The following SLC2A10 variants were observed in gnomAD, a reference collection of about 807,000 sequenced individuals.
The protein encoded by SLC2A10 is solute carrier family 2 member 10.
SLC2A10 carries 25 observed loss-of-function variants against 32.1 expected under a neutral mutation model. The observed-to-expected ratio is 0.78, with a 90% CI of 0.57 to 1.09. The LOEUF (loss-of-function observed/expected upper bound fraction) is 1.09. Among genes scored for constraint, SLC2A10 ranks in the 50% least tolerant of loss-of-function variants. The probability of loss-of-function intolerance (pLI) is 0.00; values close to 1 mark genes in which losing one functional copy is unlikely to be tolerated. For missense variants in SLC2A10, 673 were observed against 686.5 expected (o/e 0.98, Z 0.22); for synonymous variants, 332 against 309.6 (o/e 1.07, Z -0.76).
chr20:46,725,031 T>C lies in SLC2A10; in HGVS notation c.5-10T>C, dbSNP rs1204312900. The C allele has an allele frequency of 2.5e-6, 4 of 1,614,240 alleles. No homozygotes were observed. The highest frequency in any genetic ancestry group is 2.5e-6 in the Non-Finnish European group (3 of 1,180,038). ...ATTCTAACTCTGTCCCTCTCACTTTTGTTTTTTAGGCCACTCCCCACCTGT... is the reference window on the plus strand; with the variant it reads ...ATTCTAACTCTGTCCCTCTCACTTTCGTTTTTTAGGCCACTCCCCACCTGT... On this transcript the variant is annotated splice_polypyrimidine_tract_variant and intron_variant, in intron 1 of 4. Transcript: ENST00000359271.
chr20:46,714,088 A>G (rs995771899), intron 1 of SLC2A10, among the ~76,000 whole-genome samples: 1 of 152,184 alleles, frequency 6.6e-6, no homozygotes, highest in African/African-American at 2.4e-5. Context: ...GAAATTGGCA[A>G]TGAGTATTTA....
At position 46,725,622 on chromosome 20, in the gene SLC2A10, A is replaced by C. The variant is rs1404873289; in HGVS notation, c.586A>C (p.Lys196Gln). 1 of 1,614,072 alleles carries C rather than the reference A, an allele frequency of 6.2e-7. No individual in the cohort carries two copies. Among genetic ancestry groups the C allele is most frequent in the Admixed American group, 1.7e-5 (1 of 60,022 alleles). The stretch of plus-strand genomic sequence containing the variant: ...TGGTACAGATGAGACTGCAACACAC[A>C]AGGACCTCATCCCACTCCAGGGAGG... ...PAGTDETATH[K>Q]DLIPLQGGEA... The change falls in exon 2 of 5, where the codon AAG becomes CAG. Residue 196 changes from lysine to glutamine, a missense_variant. By Grantham distance (53) the Lys-to-Gln change is moderately conservative. Coordinates refer to ENST00000359271, the MANE Select transcript of SLC2A10 (RefSeq NM_030777.4).
rs1980016677 is a variant in SLC2A10 at position 46,727,072 on chromosome 20, T to C, written c.1411+86T>C. 3.4e-6 allele frequency: 5 copies of C among 1,490,200 alleles called. No homozygotes were observed. In the South Asian group the frequency reaches 3.4e-5, roughly 10 times the overall value. The allele number at this position is 1,490,200 out of a possible 1,614,324, so 92.3% of individuals were successfully genotyped here. A position where few individuals can be genotyped will look rare whatever the true frequency, so the allele number is the denominator to read the frequency against. Reference sequence around the variant, plus strand: ...AGAAATTTTTGGATTTTCCTATGTATTAGCTGCAGAACTATTATTCTGTGC... The same window carrying C: ...AGAAATTTTTGGATTTTCCTATGTACTAGCTGCAGAACTATTATTCTGTGC... On this transcript the variant is annotated intron_variant, in intron 3 of 4. Coordinates refer to ENST00000359271, the MANE Select transcript of SLC2A10 (RefSeq NM_030777.4).
rs764368707 is a variant in SLC2A10 at position 46,726,174 on chromosome 20, T to C, written c.1138T>C (p.Ser380Pro). 1 of 1,614,102 alleles carries C rather than the reference T, an allele frequency of 6.2e-7. No individual in the cohort carries two copies. Among genetic ancestry groups the C allele is most frequent in the Non-Finnish European group, 8.5e-7 (1 of 1,180,030 alleles). The change falls in exon 2 of 5, where the codon TCT becomes CCT. Residue 380 changes from serine (S) to proline (P), a missense_variant. By Grantham distance (74) the Ser-to-Pro change is moderately conservative (BLOSUM62 -1). Transcript: ENST00000359271. ...TAAGAAAACCAAGCCCCATCCCAGA[T>C]CTGGAGACCCCTCAGCCCCTCCTCG... The part of the protein sequence containing the change: ...TAKKTKPHPR[S>P]GDPSAPPRLA...
At chr20:46,728,720 C>T (rs1980116262) in intron 3 of SLC2A10, among the ~76,000 whole-genome samples, 1 of 146,546 alleles carries the variant, frequency 6.8e-6, no homozygotes, top group African/African-American at 2.5e-5. Flanking sequence ...GGGGCTCAAA[C>T]AATCCTCCAG....
At chr20:46,714,687 G>A (rs1396839326) in intron 1 of SLC2A10, 3 of 152,774 alleles carry the variant, frequency 2.0e-5, no homozygotes, top group African/African-American at 7.2e-5. Context: ...CAGAGTCCGG[G>A]AGGAGGCGAA....
chr20:46,709,872 G>A, intron 1 of SLC2A10, 132 bp downstream of exon 1: 3 of 1,121,540 alleles, frequency 2.7e-6, no homozygotes, highest in South Asian at 1.4e-5. Flanking sequence ...ACCGCCTCTC[G>A]GGTGGCCAGC....
At chr20:46,709,414 C>A (rs1302309898), upstream of SLC2A10, 1 of 416,874 alleles carries the variant, frequency 2.4e-6, no homozygotes, top group Non-Finnish European at 4.2e-6. Context: ...GTGTGTCCCC[C>A]CCAGGGGAGG....
rs573480396 is a variant in SLC2A10 at position 46,733,767 on chromosome 20, G to A, written c.1559G>A (p.Ser520Asn). ...QQFQKRRFTL[S>N]FGHRQNSTGI... ...TCTTTGTCTGACAGGTTCACCCTGAGCTTTGGCCACAGGCAGAACTCCACT... is the reference window on the plus strand; with the variant it reads ...TCTTTGTCTGACAGGTTCACCCTGAACTTTGGCCACAGGCAGAACTCCACT... Residue 520 changes from serine to asparagine, a missense_variant, in exon 5 of 5, where the codon AGC (serine) becomes AAC (asparagine). Ser to Asn is a conservative substitution (Grantham distance 46). Coordinates refer to ENST00000359271, the MANE Select transcript of SLC2A10 (RefSeq NM_030777.4). 2.0e-4 allele frequency: 320 copies of A among 1,614,136 alleles called. 5 individuals are homozygous for A. In the South Asian group the frequency reaches 2.2e-3, roughly 11 times the overall value.
rs41283042 is a variant in SLC2A10, at chr20:46,725,783, C to T, written c.747C>T (p.Asn249=). The T allele has an allele frequency of 2.1e-5, 34 of 1,614,214 alleles. No homozygotes were observed. Among genetic ancestry groups the T allele is most frequent in the African/African-American group, 8.0e-5 (6 of 75,066 alleles). ...TCCAGCAACTAACAGGGCAGCCCAA[C>T]GTGCTGTGCTATGCCTCCACCATCT... ...VLFQQLTGQP[N]VLCYASTIFS... is the part of the protein sequence containing the mutation. The change falls in exon 2 of 5, where the codon AAC becomes AAT. Residue 249 remains asparagine, a synonymous_variant. Coordinates refer to ENST00000359271, the MANE Select transcript of SLC2A10 (RefSeq NM_030777.4).
At chr20:46,731,126 G>A (rs1980274907) in intron 4 of SLC2A10, among the ~76,000 whole-genome samples, 3 of 152,198 alleles carry the variant, frequency 2.0e-5, no homozygotes, top group South Asian at 4.1e-4. Context: ...TCGTCCAAAT[G>A]TCGGTTGGGG....
chr20:46,720,893 T>A (rs1979513315), intron 1 of SLC2A10, among the ~76,000 whole-genome samples: 1 of 152,228 alleles, frequency 6.6e-6, no homozygotes, highest in South Asian at 2.1e-4. Context: ...AACAAAACAC[T>A]CCAAGACTTA....
intron 3 of SLC2A10, 51 bp from the exon 4 acceptor site, chr20:46,729,302 G>A (rs1439808470): frequency 6.2e-6 from 10 of 1,610,852 alleles, no homozygotes; most frequent in African/African-American, 1.3e-5. Flanking sequence ...CCCAGGCTGC[G>A]GGGCCAGAGT....
chr20:46,727,567 T>C (rs909473048), intron 3 of SLC2A10, among the ~76,000 whole-genome samples: 4 of 152,164 alleles, frequency 2.6e-5, no homozygotes, highest in African/African-American at 9.6e-5. Context: ...GTGATCCACC[T>C]GTAATCCCAA....
At position 46,733,873 on chromosome 20, in the gene SLC2A10, G is replaced by C. The variant is rs780750928; in HGVS notation, c.*39G>C. ...CTGGAAATTCTGGAACTGTGGCTTT[G>C]GCAGACCATCTCCAGCATCCTGCTT... On this transcript the variant is annotated 3_prime_UTR_variant, in exon 5 of 5. Transcript: ENST00000359271. 1 of 1,592,306 alleles carries C rather than the reference G, an allele frequency of 6.3e-7. No homozygotes were observed. The highest frequency in any genetic ancestry group is 1.7e-5 in the Admixed American group (1 of 59,830).
At position 46,718,796 on chromosome 20, in the gene SLC2A10, G is replaced by A. The variant is rs192202501; in HGVS notation, c.5-6245G>A. On this transcript the variant is annotated intron_variant, in intron 1 of 4. Coordinates refer to ENST00000359271, the MANE Select transcript of SLC2A10 (RefSeq NM_030777.4). ...TTTATATTTTATTTTATTTTTTAAA[G>A]ATAGGGCCTTGCTCTGTCACCCAGG... Among the ~76,000 whole-genome samples, 3 of 152,098 alleles carry A rather than the reference G, an allele frequency of 2.0e-5. No individual in the cohort carries two copies. In the East Asian group the frequency reaches 5.8e-4, roughly 29 times the overall value.
At chr20:46,724,915 A>T in intron 1 of SLC2A10, 126 bp from the exon 2 acceptor site, 1 of 1,115,198 alleles carries the variant, frequency 9.0e-7, no homozygotes, top group Admixed American at 2.2e-5. Context: ...GTTTGAATGG[A>T]TGGTTGAATA....
Position 46,736,173 on chromosome 20 carries a change from G to A in SLC2A10, c.*2339G>A, listed in dbSNP as rs965587686. The A allele has an allele frequency of 6.6e-5, 10 of 152,188 alleles. No individual in the cohort carries two copies. The highest frequency in any genetic ancestry group is 3.9e-4 in the Admixed American group (6 of 15,296). 9.4% of individuals were successfully genotyped at this position (152,188 alleles called of 1,614,324 possible). Reference sequence around the variant, plus strand: ...TACAATAAAGAATATTTACAATAAAGAGTTTATTATTATTTGTAAGTTGTG... The same window carrying A: ...TACAATAAAGAATATTTACAATAAAAAGTTTATTATTATTTGTAAGTTGTG... On this transcript the variant is annotated 3_prime_UTR_variant, in exon 5 of 5. Coordinates refer to ENST00000359271, the MANE Select transcript of SLC2A10 (RefSeq NM_030777.4).
intron 4 of SLC2A10, among the ~76,000 whole-genome samples, chr20:46,730,907 T>A (rs909932975): frequency 1.3e-4 from 20 of 152,100 alleles, no homozygotes; most frequent in African/African-American, 4.1e-4. Context: ...CATAAAACGT[T>A]TTAAAAAATC....
Sources: allele counts gnomAD v4.1 joint callset (sites outside exome capture counted in the v4.1 genomes callset), GRCh38; gene constraint gnomAD v4.1.1; transcripts MANE v1.5; gene names NCBI Gene and HGNC (gene_info 2026-07-23, HGNC 2026-07-21).